Variants in NAALADL2 observed in about 807,000 individuals in gnomAD.
NAALADL2 encodes the protein N-acetylated alpha-linked acidic dipeptidase like 2.
A neutral mutation model predicts 87.2 loss-of-function variants in NAALADL2; 76 were observed. The observed-to-expected ratio is 0.87, with a 90% CI of 0.72 to 1.05. The LOEUF (loss-of-function observed/expected upper bound fraction) is 1.05, where lower values mean the gene tolerates loss of function less well. NAALADL2 is among the 50% of genes least tolerant of loss of function. The pLI, the probability that NAALADL2 is intolerant of heterozygous loss-of-function variation, is 0.00. For missense variants in NAALADL2, 1,089 were observed against 945.8 expected, an observed-to-expected ratio of 1.15 and a Z score of -1.99; for synonymous variants, 354 against 331.0, an observed-to-expected ratio of 1.07 and a Z score of -0.75.
chr3:175,630,630 C>A (rs902214728), intron 11 of NAALADL2, among the ~76,000 whole-genome samples: 1 of 151,486 alleles, frequency 6.6e-6, no homozygotes, highest in Non-Finnish European at 1.5e-5. Context: ...TTAGTGTGTA[C>A]AAATAGAATA....
At position 175,575,809 on chromosome 3, in the gene NAALADL2, A is replaced by G. The variant is rs115871076; in HGVS notation, c.1654-232A>G. On this transcript the variant is annotated intron_variant, in intron 9 of 13. Coordinates refer to ENST00000454872, the MANE Select transcript of NAALADL2 (RefSeq NM_207015.3). ...GCAAGCAAAGCTTTAATTCTGGCCA[A>G]TGCTAGTTATGCTTCAGTGAGCGTC... 6.8e-3 allele frequency among the ~76,000 whole-genome samples: 1,032 copies of G among 152,288 alleles called. 17 individuals carry two copies. The highest frequency in any genetic ancestry group is 0.023 in the African/African-American group (971 of 41,544).
chr3:174,640,102 G>C (rs2108726907), intron 2 of NAALADL2, among the ~76,000 whole-genome samples: 1 of 152,230 alleles, frequency 6.6e-6, no homozygotes. Flanking sequence ...GGGAAGCTTG[G>C]TATATAATGA....
chr3:175,093,019 C>T (rs1395248188), intron 1 of NAALADL2, among the ~76,000 whole-genome samples: 2 of 151,796 alleles, frequency 1.3e-5, no homozygotes, highest in Non-Finnish European at 3.0e-5. Flanking sequence ...TAAAGTATAT[C>T]TCTTTTAGAT....
In NAALADL2 at chr3:175,783,852, C is replaced by A. The variant is rs1445310461; in HGVS notation, c.2190-19153C>A. Among the ~76,000 whole-genome samples the A allele has an allele frequency of 2.7e-5, 4 of 146,970 alleles. No individual in the cohort carries two copies. In the East Asian group the frequency reaches 7.7e-4, roughly 28 times the overall value. ...TTGGCTGTGGGTTTGTCATAGATAG[C>A]TCTTATTATTTTGAAATACATCCCA... On this transcript the variant is annotated intron_variant, in intron 13 of 13. Transcript: ENST00000454872.
intron 5 of NAALADL2, among the ~76,000 whole-genome samples, chr3:175,341,395 A>G (rs1020060829): frequency 3.9e-5 from 6 of 152,128 alleles, no homozygotes; most frequent in Non-Finnish European, 1.5e-5. Flanking sequence ...TTGTTTATCC[A>G]TTTATCAGCT....
At chr3:174,895,098 A>G (rs1466191755) in intron 1 of NAALADL2, among the ~76,000 whole-genome samples, 1 of 152,166 alleles carries the variant, frequency 6.6e-6, no homozygotes, top group African/African-American at 2.4e-5. Context: ...TAAATAAACA[A>G]TGTATTGGTG....
At chr3:175,016,568 A>T (rs1213349044) in intron 1 of NAALADL2, among the ~76,000 whole-genome samples, 1 of 151,390 alleles carries the variant, frequency 6.6e-6, no homozygotes, top group Non-Finnish European at 1.5e-5. Flanking sequence ...GTGCTTTATT[A>T]AAAAAAATTT....
At chr3:175,182,847 T>C (rs1227156249) in intron 2 of NAALADL2, among the ~76,000 whole-genome samples, 2 of 152,042 alleles carry the variant, frequency 1.3e-5, no homozygotes, top group African/African-American at 4.8e-5. Context: ...CTCTGTTTTC[T>C]TCTAGTATTT....
intron 11 of NAALADL2, among the ~76,000 whole-genome samples, chr3:175,650,147 A>G (rs1343625904): frequency 2.0e-5 from 3 of 152,140 alleles, no homozygotes; most frequent in African/African-American, 7.2e-5. Flanking sequence ...TAAAAAGAAT[A>G]AAATACTGAC....
intron 1 of NAALADL2, among the ~76,000 whole-genome samples, chr3:175,070,567 C>T (rs1466078766): frequency 6.6e-6 from 1 of 152,022 alleles, no homozygotes; most frequent in Non-Finnish European, 1.5e-5. Context: ...AAGTGTAGCA[C>T]ATTCTGTTTG....
intron 10 of NAALADL2, among the ~76,000 whole-genome samples, chr3:175,620,974 TTA>T (rs1726145618): frequency 6.6e-6 from 1 of 152,110 alleles, no homozygotes; most frequent in African/African-American, 2.4e-5. Flanking sequence ...TCTAGGGTTT[TTA>T]TAGGTTTGGA....
intron 13 of NAALADL2, among the ~76,000 whole-genome samples, chr3:175,787,549 A>G (rs1210050257): frequency 6.6e-6 from 1 of 152,198 alleles, no homozygotes; most frequent in Non-Finnish European, 1.5e-5. Flanking sequence ...CAAGTGAGGC[A>G]ATGCCTCGCC....
chr3:175,497,193 C>T (rs774959058), intron 9 of NAALADL2, among the ~76,000 whole-genome samples: 1 of 152,136 alleles, frequency 6.6e-6, no homozygotes, highest in Non-Finnish European at 1.5e-5. Context: ...CCTGCCTCAG[C>T]CTCCCCGAGT....
chr3:174,751,875 T>C (rs993938612), intron 3 of NAALADL2, among the ~76,000 whole-genome samples: 15 of 148,090 alleles, frequency 1.0e-4, no homozygotes, highest in East Asian at 2.0e-4. Flanking sequence ...TGTGTGTGTG[T>C]GCGCGTGCGC....
intron 2 of NAALADL2, among the ~76,000 whole-genome samples, chr3:174,734,805 G>C (rs927578447): frequency 3.3e-5 from 5 of 152,120 alleles, no homozygotes. Flanking sequence ...AGGAATTTAA[G>C]ACAAAAATTC....
chr3:175,458,592 T>TTA (rs939626595), intron 6 of NAALADL2, among the ~76,000 whole-genome samples: 1 of 148,250 alleles, frequency 6.7e-6, no homozygotes, highest in Non-Finnish European at 1.5e-5. Flanking sequence ...TAAAAATAAA[T>TTA]TATATATATA....
intron 5 of NAALADL2, among the ~76,000 whole-genome samples, chr3:175,355,128 G>C (rs555770150): frequency 2.7e-5 from 4 of 150,458 alleles, no homozygotes; most frequent in Non-Finnish European, 5.9e-5. Context: ...GAGTGCAGTT[G>C]CATGATCTTG....
chr3:175,416,309 T>C (rs142940429), intron 5 of NAALADL2, among the ~76,000 whole-genome samples: 173 of 152,302 alleles, frequency 1.1e-3, no homozygotes, highest in African/African-American at 3.9e-3. Flanking sequence ...AAAAGTAAAT[T>C]ATAAAATAGT....
At chr3:174,965,606 A>G (rs1742752883) in intron 1 of NAALADL2, among the ~76,000 whole-genome samples, 2 of 152,142 alleles carry the variant, frequency 1.3e-5, no homozygotes, top group Non-Finnish European at 2.9e-5. Context: ...TTTAAAGACA[A>G]TATTTAGGCA....
Sources: allele counts gnomAD v4.1 joint callset (sites outside exome capture counted in the v4.1 genomes callset), GRCh38; gene constraint gnomAD v4.1.1; transcripts MANE v1.5; gene names NCBI Gene and HGNC (gene_info 2026-07-23, HGNC 2026-07-21).